Variants in BPIFB1 observed in about 807,000 individuals in gnomAD.
The protein encoded by BPIFB1 is BPI fold-containing family B member 1.
A neutral mutation model predicts 55.1 loss-of-function variants in BPIFB1; 34 were observed. The ratio of observed to expected loss-of-function variants is 0.62; its 90% CI spans 0.47 to 0.82. BPIFB1 has a LOEUF of 0.82. Ranked by LOEUF, BPIFB1 falls within the 40% of genes least tolerant of loss-of-function variation. The probability of loss-of-function intolerance (pLI) is 0.00; values close to 1 mark genes in which losing one functional copy is unlikely to be tolerated. For missense variants in BPIFB1, 532 were observed against 593.1 expected (o/e 0.90, Z 1.07); for synonymous variants, 236 against 245.3 (o/e 0.96, Z 0.35).
rs1981146845 is a variant in BPIFB1 at position 33,309,048 on chromosome 20, G to A, written c.1396-660G>A. ...TCATGTCCATCTTGTCCATGCCTCT[G>A]TCCCCGGTGCTCAGCATGGCCTGGC... On this transcript the variant is annotated intron_variant, in intron 15 of 15. Transcript: ENST00000253354. This position sits in a 1 kb window ranked among gnomAD's most constrained non-coding sequence, Gnocchi z 4.4. Among the ~76,000 whole-genome samples the A allele has an allele frequency of 6.6e-6, 1 of 152,114 alleles. No individual in the cohort carries two copies. The highest frequency in any genetic ancestry group is 2.4e-5 in the African/African-American group (1 of 41,410).
intron 2 of BPIFB1, among the ~76,000 whole-genome samples, chr20:33,287,234 G>T (rs1251201690): frequency 6.6e-6 from 1 of 152,242 alleles, no homozygotes; most frequent in Non-Finnish European, 1.5e-5. Flanking sequence ...GTGTACAAGT[G>T]GTTGGTTTTG....
In BPIFB1 at chr20:33,295,659, A is replaced by T. The variant is rs560795228; in HGVS notation, c.598-1866A>T. Among the ~76,000 whole-genome samples the T allele has an allele frequency of 2.1e-5, 3 of 146,132 alleles. No individual in the cohort carries two copies. In the East Asian group the frequency reaches 5.8e-4, roughly 28 times the overall value. On this transcript the variant is annotated intron_variant, in intron 6 of 15. Coordinates refer to ENST00000253354, the MANE Select transcript of BPIFB1 (RefSeq NM_033197.3). ...GAAAGAGAGAAGAAGAAAGAAAGAAAGAGAGAAAGAAAGAAAGAAAGAGAG... is the reference window on the plus strand; with the variant it reads ...GAAAGAGAGAAGAAGAAAGAAAGAATGAGAGAAAGAAAGAAAGAAAGAGAG...
Position 33,304,925 on chromosome 20 carries a change from G to A in BPIFB1, c.1254+34G>A, listed in dbSNP as rs746639638. ...TAACAGGTGGTGCCTGAGGGCACAGGGGGTGGCCTGGAATGGTCCACTCTC... is the reference window on the plus strand; with the variant it reads ...TAACAGGTGGTGCCTGAGGGCACAGAGGGTGGCCTGGAATGGTCCACTCTC... On this transcript the variant is annotated intron_variant, in intron 13 of 15. Transcript: ENST00000253354. 5 of 1,609,072 alleles carry A rather than the reference G, an allele frequency of 3.1e-6. No homozygotes were observed. The African/African-American group carries it at 4.0e-5, about 13-fold the overall frequency.
chr20:33,305,004 T>C (rs1327086939), intron 13 of BPIFB1, 113 bp downstream of exon 13: 12 of 1,236,834 alleles, frequency 9.7e-6, no homozygotes, highest in South Asian at 2.5e-5. Flanking sequence ...AGAAGCACCA[T>C]GGGGGGCTGG....
chr20:33,303,094 A>T lies in BPIFB1; in HGVS notation c.1140+20A>T, dbSNP rs781371293. The T allele has an allele frequency of 6.2e-7, 1 of 1,611,792 alleles. No individual in the cohort carries two copies. The highest frequency in any genetic ancestry group is 8.5e-7 in the Non-Finnish European group (1 of 1,179,050). On this transcript the variant is annotated intron_variant, in intron 11 of 15. Coordinates refer to ENST00000253354, the MANE Select transcript of BPIFB1 (RefSeq NM_033197.3). ...GGCATCGTGAGTTCAGTTGTCTGCGATATTGGCAGCAACCAGGGGGACCCT... is the reference window on the plus strand; with the variant it reads ...GGCATCGTGAGTTCAGTTGTCTGCGTTATTGGCAGCAACCAGGGGGACCCT...
rs370901362 is a variant in BPIFB1, at chr20:33,288,862, C to T, written c.237C>T (p.Thr79=). ...GIPVLGSLVN[T]VLKHIIWLKV... is the part of the protein sequence containing the mutation. Reference sequence around the variant, plus strand: ...CTGTGCTGGGCAGCCTGGTGAACACCGTCCTGAAGCACATCATCTGGTGAG... The same window carrying T: ...CTGTGCTGGGCAGCCTGGTGAACACTGTCCTGAAGCACATCATCTGGTGAG... The change falls in exon 3 of 16, where the codon ACC becomes ACT. Residue 79 remains threonine (T), a synonymous_variant. Coordinates refer to ENST00000253354, the MANE Select transcript of BPIFB1 (RefSeq NM_033197.3). The T allele has an allele frequency of 1.7e-5, 28 of 1,613,644 alleles. No individual in the cohort carries two copies. Among genetic ancestry groups the T allele is most frequent in the Admixed American group, 5.0e-5 (3 of 60,010 alleles).
In BPIFB1 at chr20:33,295,660, G is replaced by GAA. The variant is rs1568650092; in HGVS notation, c.598-1864_598-1863insAA. Among the ~76,000 whole-genome samples the GAA allele has an allele frequency of 9.1e-5, 13 of 142,372 alleles. No individual in the cohort carries two copies. The South Asian group carries it at 1.3e-3, about 14-fold the overall frequency. 93.4% of individuals were successfully genotyped at this position (142,372 alleles called of 152,430 possible). ...AAAGAGAGAAGAAGAAAGAAAGAAA[G>GAA]AGAGAAAGAAAGAAAGAAAGAGAGA... is the stretch of plus-strand genomic sequence containing the variant. On this transcript the variant is annotated intron_variant, in intron 6 of 15. Coordinates refer to ENST00000253354, the MANE Select transcript of BPIFB1 (RefSeq NM_033197.3).
chr20:33,296,549 G>A (rs1018894523), intron 6 of BPIFB1, among the ~76,000 whole-genome samples: 5 of 152,146 alleles, frequency 3.3e-5, no homozygotes, highest in African/African-American at 1.2e-4. Flanking sequence ...TCTCAGCCTT[G>A]GTGGTACTGA....
intron 6 of BPIFB1, among the ~76,000 whole-genome samples, chr20:33,295,693 G>GAAA (rs1980624194): frequency 7.5e-6 from 1 of 133,686 alleles, no homozygotes; most frequent in African/African-American, 3.9e-5. Context: ...AGAAAAAAAG[G>GAAA]GAGAAAAGGA....
intron 8 of BPIFB1, among the ~76,000 whole-genome samples, chr20:33,300,300 G>A (rs962515778): frequency 6.6e-6 from 1 of 152,216 alleles, no homozygotes; most frequent in East Asian, 1.9e-4. Context: ...CAAAAGCCAA[G>A]GATCAAGAAA....
At chr20:33,285,570 T>A (rs1208162991) in intron 1 of BPIFB1, among the ~76,000 whole-genome samples, 1 of 150,594 alleles carries the variant, frequency 6.6e-6, no homozygotes, top group East Asian at 2.0e-4. Flanking sequence ...AAAAAAAAAT[T>A]AGCCTGGCGC....
At chr20:33,285,965 C>T in intron 1 of BPIFB1, 68 bp from the exon 2 acceptor site, 1 of 991,774 alleles carries the variant, frequency 1.0e-6, no homozygotes, top group Admixed American at 1.9e-5. Flanking sequence ...ACACCGTGCC[C>T]CAGGTCACCG....
chr20:33,305,507 C>T (rs4911316), intron 13 of BPIFB1, among the ~76,000 whole-genome samples: 3,271 of 151,886 alleles, frequency 0.022, 254 homozygotes, highest in Admixed American at 0.16. Context: ...TTAGTAGAGA[C>T]AGGGTTTCAC....
At chr20:33,304,752 C>T in intron 12 of BPIFB1, 94 bp from the exon 13 acceptor site, 10 of 1,499,942 alleles carry the variant, frequency 6.7e-6, no homozygotes, top group South Asian at 1.1e-5. Flanking sequence ...CTGTGCCTGG[C>T]ACATAATAGG....
Position 33,302,358 on chromosome 20 carries a change from G to A in BPIFB1, c.928-1G>A. On this transcript the variant is annotated splice_acceptor_variant, in intron 9 of 15. Coordinates refer to ENST00000253354, the MANE Select transcript of BPIFB1 (RefSeq NM_033197.3). LOFTEE classifies it high-confidence loss of function. ...CCTTCTCTGGCTCCTCTCACCCTCA[G>A]CTTCCTGAGAGTGCCCATCGGCTGA... 1 of 1,613,956 alleles carries A rather than the reference G, an allele frequency of 6.2e-7. No homozygotes were observed. The highest frequency in any genetic ancestry group is 8.5e-7 in the Non-Finnish European group (1 of 1,179,976).
chr20:33,291,221 T>A (rs1483781201), intron 5 of BPIFB1, 115 bp downstream of exon 5: 1 of 1,323,500 alleles, frequency 7.6e-7, no homozygotes, highest in Admixed American at 2.3e-5. Flanking sequence ...AGAAAGGGAC[T>A]TATCCCCTCC....
chr20:33,307,756 A>C (rs1410293261), intron 15 of BPIFB1: 1 of 152,292 alleles, frequency 6.6e-6, no homozygotes, highest in African/African-American at 2.4e-5. Flanking sequence ...TCTACTAAAA[A>C]TACAAAAATT....
At chr20:33,284,037 C>T (rs149033212) in intron 1 of BPIFB1, among the ~76,000 whole-genome samples, 1 of 152,276 alleles carries the variant, frequency 6.6e-6, no homozygotes, top group African/African-American at 2.4e-5. Flanking sequence ...TGCAAGGTGT[C>T]TCCTTCTGAC....
At chr20:33,296,060 G>C (rs1381100453) in intron 6 of BPIFB1, among the ~76,000 whole-genome samples, 1 of 152,182 alleles carries the variant, frequency 6.6e-6, no homozygotes, top group East Asian at 1.9e-4. Context: ...TTGCACATCA[G>C]AGCCATCAGA....
Sources: gnomAD v4.1 joint callset for allele counts (sites outside exome capture counted in the v4.1 genomes callset) on GRCh38, gnomAD v4.1.1 for gene constraint, Gnocchi (gnomAD v3.1) non-coding constraint, MANE v1.5 for transcripts, NCBI Gene and HGNC (gene_info 2026-07-23, HGNC 2026-07-21) for gene names.